The following PTPRO variants were observed in gnomAD, a reference collection of about 807,000 sequenced individuals.
PTPRO encodes the protein receptor-type tyrosine-protein phosphatase O.
In PTPRO, 62 loss-of-function variants were observed where a neutral mutation model predicts 145.2. The ratio of observed to expected loss-of-function variants is 0.43; its 90% CI spans 0.35 to 0.53. The LOEUF (loss-of-function observed/expected upper bound fraction) is 0.53. Ranked by LOEUF, PTPRO falls within the 20% of genes least tolerant of loss-of-function variation. PTPRO has a pLI of 0.01. For synonymous variants in PTPRO, 565 were observed against 514.7 expected, an observed-to-expected ratio of 1.10 and a Z score of -1.32; for missense variants, 1,345 against 1,482.7, an observed-to-expected ratio of 0.91 and a Z score of 1.53.
At chr12:15,375,268 A>C (rs536604786) in intron 1 of PTPRO, among the ~76,000 whole-genome samples, 1 of 152,340 alleles carries the variant, frequency 6.6e-6, no homozygotes. Flanking sequence ...TTTTAAGAGA[A>C]AAATTGTGGT....
chr12:15,328,116 A>AT (rs1486369271), intron 1 of PTPRO, among the ~76,000 whole-genome samples: 1 of 150,860 alleles, frequency 6.6e-6, no homozygotes, highest in East Asian at 1.9e-4. Context: ...CTTGTCTCAA[A>AT]AAAAAAAAAA....
chr12:15,439,622 C>T (rs61908020), intron 1 of PTPRO: 6,803 of 307,644 alleles, frequency 0.022, 290 homozygotes, highest in African/African-American at 0.11. Flanking sequence ...TTGGCAGTGG[C>T]ATCTGGGCTG....
At chr12:15,323,578 A>T (rs1383770548) in intron 1 of PTPRO, among the ~76,000 whole-genome samples, 2 of 152,222 alleles carry the variant, frequency 1.3e-5, no homozygotes, top group African/African-American at 4.8e-5. Flanking sequence ...ATTTTTTTGA[A>T]GAAATGTCAG....
chr12:15,412,937 G>T (rs958656245), intron 1 of PTPRO, among the ~76,000 whole-genome samples: 9 of 152,102 alleles, frequency 5.9e-5, no homozygotes, highest in African/African-American at 2.2e-4. Context: ...AGGATTACAG[G>T]CATGCACACC....
intron 1 of PTPRO, among the ~76,000 whole-genome samples, chr12:15,431,787 A>T (rs1453435137): frequency 1.3e-5 from 2 of 152,206 alleles, no homozygotes; most frequent in Non-Finnish European, 2.9e-5. Flanking sequence ...ATAGATTATG[A>T]TGATAACTGT....
rs767133669 is a variant in PTPRO, at chr12:15,546,596, C to T, written c.2192C>T (p.Ala731Val). The T allele has an allele frequency of 1.2e-5, 20 of 1,611,900 alleles. No individual in the cohort carries two copies. Among genetic ancestry groups the T allele is most frequent in the Non-Finnish European group, 1.7e-5 (20 of 1,178,850 alleles). Residue 731 changes from alanine (A) to valine (V), a missense_variant, in exon 13 of 27, where the codon GCA (alanine) becomes GTA (valine). Ala to Val is a moderately conservative substitution (Grantham distance 64, BLOSUM62 0). Transcript: ENST00000281171. Reference protein sequence around the residue: ...LEPAPPKSLFAVNKTQTSVTL... With the variant: ...LEPAPPKSLFVVNKTQTSVTL... Reference sequence around the variant, plus strand: ...CCAGCTCCACCCAAATCACTCTTCGCAGTGAACAAAACCCAGACTTCAGTG... The same window carrying T: ...CCAGCTCCACCCAAATCACTCTTCGTAGTGAACAAAACCCAGACTTCAGTG...
intron 1 of PTPRO, among the ~76,000 whole-genome samples, chr12:15,453,446 T>C (rs1029892926): frequency 7.2e-5 from 11 of 152,224 alleles, no homozygotes; most frequent in Non-Finnish European, 1.5e-4. Flanking sequence ...TCCTCAGTGC[T>C]AGTAATCAAA....
chr12:15,384,065 G>T (rs1255539575), intron 1 of PTPRO, among the ~76,000 whole-genome samples: 1 of 151,988 alleles, frequency 6.6e-6, no homozygotes, highest in African/African-American at 2.4e-5. Flanking sequence ...ATTAATGCTA[G>T]TCAGTTGTCC....
At chr12:15,411,395 A>G (rs1939794275) in intron 1 of PTPRO, among the ~76,000 whole-genome samples, 1 of 152,262 alleles carries the variant, frequency 6.6e-6, no homozygotes, top group Non-Finnish European at 1.5e-5. Flanking sequence ...TTTTCTTCAG[A>G]AAGAGCAGTC....
intron 1 of PTPRO, among the ~76,000 whole-genome samples, chr12:15,370,532 G>A (rs1452460828): frequency 1.3e-5 from 2 of 152,154 alleles, no homozygotes; most frequent in Non-Finnish European, 2.9e-5. Context: ...TTAATCTCCT[G>A]TATGTCAAAT....
chr12:15,565,593 G>T lies in PTPRO; in HGVS notation c.2712G>T (p.Trp904Cys). The change falls in exon 18 of 27, where the codon TGG becomes TGT. Residue 904 changes from tryptophan (W) to cysteine (C), a missense_variant and splice_region_variant. Physicochemically the swap from Trp to Cys is radical, Grantham distance 215. This residue lies in a region of PTPRO where 1,130 missense variants were observed against 1,214.7 expected (regional missense o/e 0.93). Transcript: ENST00000281171. ...DYLLAFYINP[W>C]SKNGLKKRKL... ...TTGTCTTTTCTTTTTTAATTATCAG[G>T]AGTAAAAATGGTTTAAAGAAGAGGA... is the stretch of plus-strand genomic sequence containing the variant. 6.9e-7 allele frequency: 1 copy of T among 1,451,758 alleles called. No individual in the cohort carries two copies. Among genetic ancestry groups the T allele is most frequent in the Non-Finnish European group, 9.6e-7 (1 of 1,036,750 alleles). The allele number at this position is 1,451,758 out of a possible 1,614,324, so 89.9% of individuals were successfully genotyped here.
intron 14 of PTPRO, 135 bp from the exon 15 acceptor site, chr12:15,551,416 G>A (rs902393719): frequency 8.6e-7 from 1 of 1,165,984 alleles, no homozygotes; most frequent in Non-Finnish European, 1.3e-6. Flanking sequence ...TTGCTGGCTT[G>A]GGGAACATGA....
chr12:15,334,649 A>G (rs1866704492), intron 1 of PTPRO, among the ~76,000 whole-genome samples: 1 of 152,094 alleles, frequency 6.6e-6, no homozygotes, highest in Non-Finnish European at 1.5e-5. Context: ...TTATTCTACA[A>G]CTTTAATTTT....
At position 15,503,917 on chromosome 12, in the gene PTPRO, CT is replaced by C. The variant is rs1357717263; in HGVS notation, c.1116del (p.Glu373AsnfsTer3). 6.3e-7 allele frequency: 1 copy of C among 1,575,806 alleles called. No individual in the cohort carries two copies. On this transcript the variant is annotated frameshift_variant, in exon 6 of 27. Coordinates refer to ENST00000281171, the MANE Select transcript of PTPRO (RefSeq NM_030667.3). LOFTEE classifies it high-confidence loss of function. ...HIHIEREENF[T>X]EYLMVDEEAH... ...TTTATATATGATTTAGAGAACTTTA[CT>C]GAATATTTGATGGTGGATGAAGAAG... is the stretch of plus-strand genomic sequence containing the variant.
chr12:15,429,150 G>A (rs769093653), intron 1 of PTPRO, among the ~76,000 whole-genome samples: 1 of 152,138 alleles, frequency 6.6e-6, no homozygotes, highest in South Asian at 2.1e-4. Context: ...ATCTCTTGAA[G>A]CTCATCCATT....
chr12:15,570,322 G>T (rs895105204), intron 19 of PTPRO, among the ~76,000 whole-genome samples: 3 of 146,182 alleles, frequency 2.1e-5, no homozygotes, highest in Non-Finnish European at 4.6e-5. Context: ...AAATTCTGTA[G>T]TTTTTTTTTT....
chr12:15,382,265 C>T (rs1938885670), intron 1 of PTPRO, among the ~76,000 whole-genome samples: 1 of 151,874 alleles, frequency 6.6e-6, no homozygotes, highest in African/African-American at 2.4e-5. Context: ...AAGCTAAAGC[C>T]TAGATGAATC....
At chr12:15,339,387 CATA>C (rs1246378092) in intron 1 of PTPRO, among the ~76,000 whole-genome samples, 3 of 152,094 alleles carry the variant, frequency 2.0e-5, no homozygotes, top group Admixed American at 2.0e-4. Flanking sequence ...AACTTCTATT[CATA>C]ATAATCTATT....
chr12:15,419,770 A>G (rs933027322), intron 1 of PTPRO, among the ~76,000 whole-genome samples: 6 of 151,556 alleles, frequency 4.0e-5, no homozygotes, highest in African/African-American at 1.5e-4. Flanking sequence ...AGGTAATCCA[A>G]CATTAGACAG....
Sources: gnomAD v4.1 joint callset for allele counts (sites outside exome capture counted in the v4.1 genomes callset) on GRCh38, gnomAD v4.1.1 for gene constraint, gnomAD v4.1.1 regional missense constraint, MANE v1.5 for transcripts, NCBI Gene and HGNC (gene_info 2026-07-23, HGNC 2026-07-21) for gene names.